RHBDD1: variants seen among roughly 807,000 people sequenced by gnomAD.
RHBDD1 encodes the protein rhomboid-related protein 4.
In RHBDD1, 38 loss-of-function variants were observed where a neutral mutation model predicts 36.3. That is an observed-to-expected ratio of 1.05 (90% confidence interval 0.81 to 1.37). RHBDD1 has a LOEUF of 1.37. Ranked by LOEUF, RHBDD1 falls within the 40% of genes most tolerant of loss-of-function variation. The pLI, the probability that RHBDD1 is intolerant of heterozygous loss-of-function variation, is 0.00. For synonymous variants in RHBDD1, 151 were observed against 136.5 expected (o/e 1.11, Z -0.74); for missense variants, 393 against 377.6 (o/e 1.04, Z -0.34).
chr2:226,969,580 G>A (rs973175703), intron 8 of RHBDD1, among the ~76,000 whole-genome samples: 3 of 151,978 alleles, frequency 2.0e-5, no homozygotes, highest in Non-Finnish European at 4.4e-5. Flanking sequence ...AATTGACTCC[G>A]TCACCAAAGA....
upstream of RHBDD1, among the ~76,000 whole-genome samples, chr2:226,831,057 G>A (rs1940729865): frequency 6.6e-6 from 1 of 152,138 alleles, no homozygotes; most frequent in South Asian, 2.1e-4. Flanking sequence ...TACTTCATTG[G>A]GAATTTTTGT....
chr2:226,985,408 C>G (rs951825578), intron 8 of RHBDD1, among the ~76,000 whole-genome samples: 2 of 152,218 alleles, frequency 1.3e-5, no homozygotes, highest in Non-Finnish European at 2.9e-5. Context: ...GCCTCTGTAG[C>G]GCCCATCTGT....
intron 5 of RHBDD1, among the ~76,000 whole-genome samples, chr2:226,891,501 GT>G (rs1350245547): frequency 6.6e-6 from 1 of 152,216 alleles, no homozygotes; most frequent in Non-Finnish European, 1.5e-5. Flanking sequence ...TGGCAGAGGG[GT>G]TATCCAAGGA....
intron 8 of RHBDD1, among the ~76,000 whole-genome samples, chr2:226,915,032 T>C (rs1340593371): frequency 6.6e-6 from 1 of 152,140 alleles, no homozygotes; most frequent in South Asian, 2.1e-4. Context: ...GTAGGTACAA[T>C]AGGGAACACT....
chr2:226,825,274 T>TA, the RHBDD1 span, among the ~76,000 whole-genome samples: 2 of 151,690 alleles, frequency 1.3e-5, no homozygotes, highest in Non-Finnish European at 2.9e-5. Flanking sequence ...TTTAGTTGGT[T>TA]AAAAAAAAGC....
chr2:226,939,378 G>T (rs954992597), intron 8 of RHBDD1, among the ~76,000 whole-genome samples: 2 of 152,134 alleles, frequency 1.3e-5, no homozygotes, highest in Admixed American at 6.6e-5. Context: ...AGAAAACTCC[G>T]TCGTCTCAGC....
At chr2:226,868,575 G>C (rs1162875914) in intron 5 of RHBDD1, among the ~76,000 whole-genome samples, 1 of 152,178 alleles carries the variant, frequency 6.6e-6, no homozygotes, top group Non-Finnish European at 1.5e-5. Flanking sequence ...ATTCAGGAAG[G>C]TTCAGAAAGA....
chr2:226,885,510 G>A (rs948747906), intron 5 of RHBDD1, among the ~76,000 whole-genome samples: 3 of 152,052 alleles, frequency 2.0e-5, no homozygotes, highest in African/African-American at 7.2e-5. Context: ...GATTATATTA[G>A]TAGGCTTAGA....
rs184640654 is a variant in RHBDD1, at chr2:226,951,491, A to G, written c.856+37140A>G. On this transcript the variant is annotated intron_variant, in intron 8 of 8. Coordinates refer to ENST00000392062, the MANE Select transcript of RHBDD1 (RefSeq NM_001167608.3). ...TAAAATATTCATGAAAAGTTTTCAA[A>G]TTAATTTTTTTAAGTGTTGGCTATT... Among the ~76,000 whole-genome samples, 37 of 152,310 alleles carry G rather than the reference A, an allele frequency of 2.4e-4. No individual in the cohort carries two copies. In the East Asian group the frequency reaches 6.9e-3, roughly 29 times the overall value.
intron 8 of RHBDD1, among the ~76,000 whole-genome samples, chr2:226,941,686 T>C (rs1335851520): frequency 6.6e-6 from 1 of 152,176 alleles, no homozygotes; most frequent in Non-Finnish European, 1.5e-5. Flanking sequence ...GTAATATTTA[T>C]ACACTATGGA....
chr2:226,967,466 G>A (rs560178513), intron 8 of RHBDD1, among the ~76,000 whole-genome samples: 4 of 151,968 alleles, frequency 2.6e-5, no homozygotes, highest in African/African-American at 9.7e-5. Context: ...CATGTGCCAT[G>A]TTGGTGTGCT....
At chr2:226,873,133 G>T (rs994311128) in intron 5 of RHBDD1, among the ~76,000 whole-genome samples, 1 of 152,180 alleles carries the variant, frequency 6.6e-6, no homozygotes, top group African/African-American at 2.4e-5. Context: ...CGCTGCTCTT[G>T]CATATCCTGT....
intron 8 of RHBDD1, among the ~76,000 whole-genome samples, chr2:226,981,690 G>T (rs546472726): frequency 6.6e-6 from 1 of 152,266 alleles, no homozygotes; most frequent in East Asian, 1.9e-4. Flanking sequence ...AGGGTTAAAT[G>T]CCATCAAATA....
chr2:226,969,641 A>C (rs1953064650), intron 8 of RHBDD1, among the ~76,000 whole-genome samples: 1 of 152,112 alleles, frequency 6.6e-6, no homozygotes, highest in Non-Finnish European at 1.5e-5. Flanking sequence ...CCTTTTCAGA[A>C]CTGTGTCCTA....
chr2:226,953,081 G>A (rs940779986), intron 8 of RHBDD1, among the ~76,000 whole-genome samples: 5 of 152,150 alleles, frequency 3.3e-5, no homozygotes, highest in Admixed American at 1.3e-4. Context: ...GTAAAATAGC[G>A]TGTTTTTTGT....
chr2:226,935,536 C>T (rs773582650), intron 8 of RHBDD1: 1 of 152,020 alleles, frequency 6.6e-6, no homozygotes, highest in Non-Finnish European at 1.5e-5. Flanking sequence ...AAAGAAAAAA[C>T]GATGGGAATT....
chr2:226,827,494 C>A, the RHBDD1 span, among the ~76,000 whole-genome samples: 1 of 152,110 alleles, frequency 6.6e-6, no homozygotes, highest in Non-Finnish European at 1.5e-5. Flanking sequence ...CATACATTAC[C>A]ATAATGATTC....
At position 226,959,234 on chromosome 2, in the gene RHBDD1, G is replaced by A. The variant is rs79799943; in HGVS notation, c.857-36197G>A. On this transcript the variant is annotated intron_variant, in intron 8 of 8. Transcript: ENST00000392062. ...GTGAGATGGTGTTTAAGAAGGCACC[G>A]TATAACACGTAGCAAGCTATACAGT... 3.9e-4 allele frequency among the ~76,000 whole-genome samples: 59 copies of A among 152,264 alleles called. 1 individual carries two copies. Among genetic ancestry groups the A allele is most frequent in the African/African-American group, 1.0e-3 (43 of 41,542 alleles).
intron 3 of RHBDD1, among the ~76,000 whole-genome samples, chr2:226,854,964 A>G (rs576863959): frequency 5.3e-5 from 8 of 152,324 alleles, no homozygotes; most frequent in African/African-American, 1.9e-4. Flanking sequence ...ACATGTTCTT[A>G]TTAATGGCTT....
Sources: gnomAD v4.1 joint callset for allele counts (sites outside exome capture counted in the v4.1 genomes callset) on GRCh38, gnomAD v4.1.1 for gene constraint, MANE v1.5 for transcripts, NCBI Gene and HGNC (gene_info 2026-07-23, HGNC 2026-07-21) for gene names.